Variants in TAFA5 observed in about 807,000 individuals in gnomAD.
The protein encoded by TAFA5 is chemokine-like protein TAFA-5.
TAFA5 carries 6 observed loss-of-function variants against 15.3 expected under a neutral mutation model. The ratio of observed to expected loss-of-function variants is 0.39; its 90% CI spans 0.21 to 0.77. TAFA5 has a LOEUF of 0.77. Among genes scored for constraint, TAFA5 ranks in the 30% least tolerant of loss-of-function variants. TAFA5 has a pLI of 0.41. For synonymous variants in TAFA5, 103 were observed against 80.7 expected (o/e 1.28, Z -1.48); for missense variants, 161 against 193.1 (o/e 0.83, Z 0.98).
At chr22:48,648,070 C>T (rs1307764687) in intron 2 of TAFA5, among the ~76,000 whole-genome samples, 1 of 152,166 alleles carries the variant, frequency 6.6e-6, no homozygotes, top group Non-Finnish European at 1.5e-5. Flanking sequence ...GCCAGTGGCC[C>T]CTCCAGTCCT....
intron 3 of TAFA5, among the ~76,000 whole-genome samples, chr22:48,718,799 C>T (rs964597543): frequency 2.0e-5 from 3 of 152,192 alleles, no homozygotes; most frequent in Admixed American, 1.3e-4. Context: ...CCTCTTCCCT[C>T]TCTGTTGCTG....
At chr22:48,632,377 A>G (rs1373411186) in intron 1 of TAFA5, among the ~76,000 whole-genome samples, 2 of 152,200 alleles carry the variant, frequency 1.3e-5, no homozygotes, top group African/African-American at 2.4e-5. Context: ...GCAGTCTTAT[A>G]GAGTAAGAAA....
intron 2 of TAFA5, among the ~76,000 whole-genome samples, chr22:48,687,773 AG>A (rs1274463948): frequency 6.6e-6 from 1 of 152,102 alleles, no homozygotes; most frequent in African/African-American, 2.4e-5. Flanking sequence ...CCCACCTCTG[AG>A]GGGGGAACAT....
At chr22:48,521,643 A>C (rs1014099141) in intron 1 of TAFA5, among the ~76,000 whole-genome samples, 1 of 152,170 alleles carries the variant, frequency 6.6e-6, no homozygotes, top group Admixed American at 6.5e-5. Flanking sequence ...GAGCCATCCC[A>C]GCCAGCCGCA....
chr22:48,663,458 G>A (rs61382767), intron 2 of TAFA5, among the ~76,000 whole-genome samples: 6,204 of 152,300 alleles, frequency 0.041, 204 homozygotes, highest in East Asian at 0.14. Flanking sequence ...GGCACACGGT[G>A]ACTTAGGGCC....
chr22:48,632,771 A>T (rs978849548), intron 1 of TAFA5, among the ~76,000 whole-genome samples: 1 of 152,138 alleles, frequency 6.6e-6, no homozygotes, highest in Non-Finnish European at 1.5e-5. Flanking sequence ...CAGAGGCTGG[A>T]GGCCTCCTCG....
At chr22:48,679,752 G>A (rs537393694) in intron 2 of TAFA5, among the ~76,000 whole-genome samples, 3 of 137,536 alleles carry the variant, frequency 2.2e-5, no homozygotes, top group Non-Finnish European at 4.7e-5. Context: ...TGGCTCCCCA[G>A]CTCCCCGTCC....
At chr22:48,739,953 C>T (rs1201826392) in intron 3 of TAFA5, among the ~76,000 whole-genome samples, 1 of 152,182 alleles carries the variant, frequency 6.6e-6, no homozygotes, top group African/African-American at 2.4e-5. Context: ...GGCCCTGCAC[C>T]CTCAACTGTC....
intron 2 of TAFA5, among the ~76,000 whole-genome samples, chr22:48,670,156 C>A (rs80216508): frequency 0.066 from 9,998 of 152,242 alleles, 598 homozygotes; most frequent in African/African-American, 0.16. Context: ...TGTGCGTGTG[C>A]TTAGGGGCTG....
At chr22:48,588,588 G>A (rs1270531806) in intron 1 of TAFA5, among the ~76,000 whole-genome samples, 1 of 152,190 alleles carries the variant, frequency 6.6e-6, no homozygotes, top group African/African-American at 2.4e-5. Flanking sequence ...TGAGTCTGGT[G>A]GCTGCTGGGT....
At chr22:48,562,618 G>T (rs2147133220) in intron 1 of TAFA5, among the ~76,000 whole-genome samples, 1 of 152,272 alleles carries the variant, frequency 6.6e-6, no homozygotes, top group East Asian at 1.9e-4. Flanking sequence ...GGGACCCCCG[G>T]GGCCCGGTCA....
chr22:48,517,572 G>T (rs1921454908), intron 1 of TAFA5, among the ~76,000 whole-genome samples: 1 of 152,210 alleles, frequency 6.6e-6, no homozygotes, highest in African/African-American at 2.4e-5. Flanking sequence ...CTCCACTGAG[G>T]ATCCTGGGCT....
At chr22:48,597,892 A>G (rs1047851595) in intron 1 of TAFA5, among the ~76,000 whole-genome samples, 7 of 152,216 alleles carry the variant, frequency 4.6e-5, no homozygotes, top group Admixed American at 2.6e-4. Flanking sequence ...GGTTGGACCA[A>G]CGCACGGGCC....
chr22:48,677,451 C>A (rs1356040540), intron 2 of TAFA5, among the ~76,000 whole-genome samples: 2 of 152,234 alleles, frequency 1.3e-5, no homozygotes, highest in Admixed American at 1.3e-4. Flanking sequence ...TAGTGACCTT[C>A]CCGTGTTCTT....
chr22:48,492,492 C>T (rs943136918), intron 1 of TAFA5, among the ~76,000 whole-genome samples: 1 of 152,160 alleles, frequency 6.6e-6, no homozygotes, highest in Non-Finnish European at 1.5e-5. Flanking sequence ...CTGTTCTTGG[C>T]CCAGTGAGAG....
At chr22:48,710,998 G>C (rs113172960) in intron 3 of TAFA5, among the ~76,000 whole-genome samples, 185 of 152,280 alleles carry the variant, frequency 1.2e-3, no homozygotes, top group Admixed American at 2.9e-3. Flanking sequence ...GAGACCCCAA[G>C]TGGCTTTCAG....
At chr22:48,536,772 A>G (rs919790813) in intron 1 of TAFA5, among the ~76,000 whole-genome samples, 15 of 152,198 alleles carry the variant, frequency 9.9e-5, no homozygotes, top group African/African-American at 3.6e-4. Flanking sequence ...ACACATGCAC[A>G]CGGCAGTGGC....
intron 1 of TAFA5, among the ~76,000 whole-genome samples, chr22:48,574,366 C>G (rs1027882949): frequency 1.3e-5 from 2 of 152,292 alleles, no homozygotes; most frequent in African/African-American, 4.8e-5. Context: ...CTGCTGGGCA[C>G]CGCGAGCCAG....
intron 1 of TAFA5, among the ~76,000 whole-genome samples, chr22:48,555,526 C>T (rs1923005012): frequency 6.6e-6 from 1 of 152,154 alleles, no homozygotes; most frequent in Admixed American, 6.5e-5. Flanking sequence ...TTCAGAAGTG[C>T]GGATCTTTAT....
Sources: gnomAD v4.1 joint callset for allele counts (sites outside exome capture counted in the v4.1 genomes callset) on GRCh38, gnomAD v4.1.1 for gene constraint, MANE v1.5 for transcripts, NCBI Gene and HGNC (gene_info 2026-07-23, HGNC 2026-07-21) for gene names.